Variants in ACY3 observed in about 807,000 individuals in gnomAD.
The protein encoded by ACY3 is aminoacylase 3.
A neutral mutation model predicts 24.6 loss-of-function variants in ACY3; 20 were observed. The observed-to-expected ratio is 0.81, with a 90% CI of 0.57 to 1.18. The LOEUF is 1.18. ACY3 is among the 50% of genes most tolerant of loss of function. The pLI, the probability that ACY3 is intolerant of heterozygous loss-of-function variation, is 0.00. For synonymous variants in ACY3, 174 were observed against 188.4 expected, an observed-to-expected ratio of 0.92 and a Z score of 0.62; for missense variants, 423 against 426.8, an observed-to-expected ratio of 0.99 and a Z score of 0.08.
At chr11:67,647,101 G>C in intron 2 of ACY3, 38 bp from the exon 3 acceptor site, 1 of 1,381,854 alleles carries the variant, frequency 7.2e-7, no homozygotes, top group Non-Finnish European at 9.6e-7. Flanking sequence ...TGGCCCCGAT[G>C]CAAGGGATCT....
chr11:67,647,080 T>A lies in ACY3; in HGVS notation c.-20-17A>T. The A allele has an allele frequency of 6.9e-7, 1 of 1,454,644 alleles. No individual in the cohort carries two copies. The highest frequency in any genetic ancestry group is 1.3e-5 in the South Asian group (1 of 74,634). 90.1% of individuals were successfully genotyped at this position (1,454,644 alleles called of 1,614,324 possible). A position where few individuals can be genotyped will look rare whatever the true frequency, so the allele number is the denominator to read the frequency against. Reference sequence around the variant, plus strand: ...GTGCAGAACCTGGGGGTGGGCATACTTAGGAGACCCTGGCCCCGATGCAAG... The same window carrying A: ...GTGCAGAACCTGGGGGTGGGCATACATAGGAGACCCTGGCCCCGATGCAAG... On this transcript the variant is annotated splice_polypyrimidine_tract_variant and intron_variant, in intron 2 of 7. Coordinates refer to ENST00000255082, the MANE Select transcript of ACY3 (RefSeq NM_080658.2).
rs374601574 is a variant in ACY3, at chr11:67,646,782, G to A, written c.236+26C>T. On this transcript the variant is annotated intron_variant, in intron 3 of 7. Coordinates refer to ENST00000255082, the MANE Select transcript of ACY3 (RefSeq NM_080658.2). Reference sequence around the variant, plus strand: ...GGGGACTCGGTGCCCAACTGCCTGGGCCAACCTGGCGGCAAAAGCACTCAC... The same window carrying A: ...GGGGACTCGGTGCCCAACTGCCTGGACCAACCTGGCGGCAAAAGCACTCAC... The A allele has an allele frequency of 1.9e-5, 31 of 1,605,550 alleles. No homozygotes were observed. The African/African-American group carries it at 3.3e-4, about 17-fold the overall frequency.
chr11:67,646,783 C>T, intron 3 of ACY3, 25 bp downstream of exon 3: 1 of 1,606,426 alleles, frequency 6.2e-7, no homozygotes, highest in Non-Finnish European at 8.5e-7. Flanking sequence ...ACTGCCTGGG[C>T]CAACCTGGCG....
intron 1 of ACY3, among the ~76,000 whole-genome samples, chr11:67,650,083 C>A (rs2447582): frequency 0.068 from 10,346 of 152,152 alleles, 1,188 homozygotes; most frequent in African/African-American, 0.24. Context: ...GAGTGAGGAA[C>A]AAAGGGCGGG....
At chr11:67,650,417 A>G (rs910807790) in intron 1 of ACY3, among the ~76,000 whole-genome samples, 166 bp downstream of exon 1, 2 of 152,160 alleles carry the variant, frequency 1.3e-5, no homozygotes, top group Non-Finnish European at 2.9e-5. Context: ...AAAATCCCCT[A>G]TTAAATCCTC....
chr11:67,643,664 C>T (rs2514031), intron 7 of ACY3, among the ~76,000 whole-genome samples: 5,013 of 151,788 alleles, frequency 0.033, 271 homozygotes, highest in African/African-American at 0.12. Context: ...GGCAACAGAG[C>T]GAGACTCTGT....
At chr11:67,649,744 T>C (rs1368173498) in intron 1 of ACY3, among the ~76,000 whole-genome samples, 1 of 146,616 alleles carries the variant, frequency 6.8e-6, no homozygotes, top group African/African-American at 2.7e-5. Flanking sequence ...TGTGTGCGTG[T>C]GTGCGCATGT....
intron 7 of ACY3, among the ~76,000 whole-genome samples, chr11:67,643,766 G>A (rs949471032): frequency 1.3e-4 from 20 of 151,826 alleles, no homozygotes; most frequent in Admixed American, 1.2e-3. Flanking sequence ...AGGCTGAGGT[G>A]GGCAGATCAC....
intron 3 of ACY3, 95 bp from the exon 4 acceptor site, chr11:67,645,982 T>C (rs986818185): frequency 8.0e-7 from 1 of 1,254,110 alleles, no homozygotes. Context: ...CAGGAGCCAC[T>C]CTGAGCAGCT....
rs115344494 is a variant in ACY3, at chr11:67,645,197, T to C, written c.527-45A>G. ...GGGTTAGGCAGGTGCAGGACCCATA[T>C]ACTCCTTGAAGAGGCCCTGCCCCTT... On this transcript the variant is annotated intron_variant, in intron 5 of 7. Transcript: ENST00000255082. 1,528 of 1,603,864 alleles carry C rather than the reference T, an allele frequency of 9.5e-4. 20 individuals are homozygous for C. In the African/African-American group the frequency reaches 0.017, roughly 18 times the overall value.
intron 1 of ACY3, among the ~76,000 whole-genome samples, chr11:67,649,670 GTGC>G (rs1855583662): frequency 6.7e-6 from 1 of 148,176 alleles, no homozygotes; most frequent in African/African-American, 2.6e-5. Context: ...GTGTGTGCAT[GTGC>G]ATGAGTATTG....
intron 2 of ACY3, 37 bp from the exon 3 acceptor site, chr11:67,647,100 T>G: frequency 7.2e-7 from 1 of 1,388,108 alleles, no homozygotes; most frequent in Non-Finnish European, 9.5e-7. Flanking sequence ...CTGGCCCCGA[T>G]GCAAGGGATC....
At position 67,644,856 on chromosome 11, in the gene ACY3, A is replaced by T. The variant is rs549560153; in HGVS notation, c.648T>A (p.Pro216=). 98 of 1,601,342 alleles carry T rather than the reference A, an allele frequency of 6.1e-5. 1 individual carries two copies. Among genetic ancestry groups the T allele is most frequent in the South Asian group, 6.1e-4 (55 of 89,898 alleles). ...GTCTATAGGCTTCCATCTCAAAGGC[A>T]GGAAAGGCCGTACCTGTGTGGGAGG... ...IELFNQGTAF[P]AFEMEAYRPV... is the part of the protein sequence containing the mutation. The change falls in exon 7 of 8, where the codon CCT becomes CCA. Residue 216 remains proline, a synonymous_variant. Transcript: ENST00000255082.
chr11:67,649,595 TG>T lies in ACY3; in HGVS notation c.-95+987del, dbSNP rs527362164. On this transcript the variant is annotated intron_variant, in intron 1 of 7. Transcript: ENST00000255082. ...ACATGTGTGCGTGTGCATGAGAGCA[TG>T]TGTGTGCGTGTGTGCACTCACATGT... is the stretch of plus-strand genomic sequence containing the variant. Among the ~76,000 whole-genome samples the T allele has an allele frequency of 4.6e-3, 688 of 148,776 alleles. 3 individuals are homozygous for T. The highest frequency in any genetic ancestry group is 0.016 in the African/African-American group (639 of 40,112).
rs1413617968 is a variant in ACY3 at position 67,642,894 on chromosome 11, T to C, written c.790A>G (p.Met264Val). Residue 264 changes from methionine to valine, a missense_variant, in exon 8 of 8, where the codon ATG becomes GTG. Physicochemically the swap from Met to Val is conservative, Grantham distance 21. Coordinates refer to ENST00000255082, the MANE Select transcript of ACY3 (RefSeq NM_080658.2). ...TAGAGCAGGTCCTCCCCACTGAACA[T>C]CTGGAAGATGGGAGCACCAGGCTGC... ...PLQPGAPIFQ[M>V]FSGEDLLYEG... 18 of 1,613,948 alleles carry C rather than the reference T, an allele frequency of 1.1e-5. No homozygotes were observed. The highest frequency in any genetic ancestry group is 1.5e-5 in the Non-Finnish European group (18 of 1,180,014).
At position 67,644,758 on chromosome 11, in the gene ACY3, A is replaced by C. The variant is rs1207992244; in HGVS notation, c.744+2T>G. On this transcript the variant is annotated splice_donor_variant, in intron 7 of 7. Coordinates refer to ENST00000255082, the MANE Select transcript of ACY3 (RefSeq NM_080658.2). LOFTEE classifies it high-confidence loss of function. The stretch of plus-strand genomic sequence containing the variant: ...CACACACACACACACACACACACAC[A>C]CCTGCAGCTGAGGATGCACAGTGCC... 2.6e-6 allele frequency: 4 copies of C among 1,540,904 alleles called. No homozygotes were observed. The highest frequency in any genetic ancestry group is 1.2e-5 in the South Asian group (1 of 84,098).
At position 67,646,966 on chromosome 11, in the gene ACY3, C is replaced by G. The variant is rs137924462; in HGVS notation, c.78G>C (p.Ser26=). 1 of 1,583,330 alleles carries G rather than the reference C, an allele frequency of 6.3e-7. No individual in the cohort carries two copies. The highest frequency in any genetic ancestry group is 1.1e-5 in the South Asian group (1 of 87,694). The stretch of plus-strand genomic sequence containing the variant: ...GCCAGTGCCGGGCCAGGTAGACGCC[C>G]GACATCTCGTTGCCATGCGTGCCCC... The part of the protein sequence containing the change: ...VTGGTHGNEM[S]GVYLARHWLH... The change falls in exon 3 of 8, where the codon TCG becomes TCC. Residue 26 remains serine, a synonymous_variant. Transcript: ENST00000255082.
Position 67,642,852 on chromosome 11 carries a change from C to T in ACY3, c.832G>A (p.Val278Met), listed in dbSNP as rs779677196. ...EDLLYEGEST[V>M]YPVFINEAAY... Reference sequence around the variant, plus strand: ...GCCTCGTTAATGAACACGGGGTACACCGTGGACTCTCCCTCATAGAGCAGG... The same window carrying T: ...GCCTCGTTAATGAACACGGGGTACATCGTGGACTCTCCCTCATAGAGCAGG... Residue 278 changes from valine to methionine, a missense_variant, in exon 8 of 8, where the codon GTG becomes ATG. By Grantham distance (21) the Val-to-Met change is conservative. Transcript: ENST00000255082. The T allele has an allele frequency of 3.1e-6, 5 of 1,614,096 alleles. No individual in the cohort carries two copies. Among genetic ancestry groups the T allele is most frequent in the Non-Finnish European group, 4.2e-6 (5 of 1,180,032 alleles).
rs368510323 is a variant in ACY3 at position 67,642,771 on chromosome 11, C to T, written c.913G>A (p.Val305Met). ...GGGGTCAGCGCGGGCATGGCAGGCA[C>T]GGTGAATGTGAACTTCTCAGTCTGG... ...FVQTEKFTFT[V>M]PAMPALTPAP... Residue 305 changes from valine (V) to methionine (M), a missense_variant, in exon 8 of 8, where the codon GTG becomes ATG. By Grantham distance (21) the Val-to-Met change is conservative. Transcript: ENST00000255082. 21 of 1,613,964 alleles carry T rather than the reference C, an allele frequency of 1.3e-5. No individual in the cohort carries two copies. The highest frequency in any genetic ancestry group is 3.3e-5 in the South Asian group (3 of 91,084).
Sources: gnomAD v4.1 joint callset for allele counts (sites outside exome capture counted in the v4.1 genomes callset) on GRCh38, gnomAD v4.1.1 for gene constraint, MANE v1.5 for transcripts, NCBI Gene and HGNC (gene_info 2026-07-23, HGNC 2026-07-21) for gene names.